Variants in STK39 observed in about 807,000 individuals in gnomAD.
STK39 encodes the protein serine/threonine kinase 39.
Under a neutral mutation model 77.8 loss-of-function variants are expected in STK39, and 20 were observed. That is an observed-to-expected ratio of 0.26 (90% CI 0.18 to 0.37). The LOEUF is 0.37. Among genes scored for constraint, STK39 ranks in the 10% least tolerant of loss-of-function variants. The probability of loss-of-function intolerance (pLI) is 1.00; values close to 1 mark genes in which losing one functional copy is unlikely to be tolerated. For synonymous variants in STK39, 246 were observed against 234.1 expected (o/e 1.05, Z -0.47); for missense variants, 479 against 656.5 (o/e 0.73, Z 2.95).
At chr2:168,098,608 CT>C (rs1335231024) in intron 10 of STK39, among the ~76,000 whole-genome samples, 1 of 152,174 alleles carries the variant, frequency 6.6e-6, no homozygotes, top group Non-Finnish European at 1.5e-5. Flanking sequence ...CTATCCCCTG[CT>C]TTTATTTTCT....
chr2:168,152,657 C>T (rs1446455922), intron 5 of STK39, among the ~76,000 whole-genome samples: 2 of 152,178 alleles, frequency 1.3e-5, no homozygotes, highest in Non-Finnish European at 2.9e-5. Flanking sequence ...CAGCAGTCCT[C>T]AGATGCTTCA....
chr2:168,113,243 A>G (rs1687167601), intron 10 of STK39: 1 of 152,174 alleles, frequency 6.6e-6, no homozygotes, highest in South Asian at 2.1e-4. Context: ...CACAATGTCA[A>G]TGGTAAATGA....
chr2:168,129,134 C>T (rs1475566053), intron 10 of STK39, among the ~76,000 whole-genome samples: 2 of 152,232 alleles, frequency 1.3e-5, no homozygotes, highest in Non-Finnish European at 2.9e-5. Flanking sequence ...TGCTATCTCA[C>T]AGCTATTCAA....
intron 14 of STK39, among the ~76,000 whole-genome samples, chr2:168,048,566 A>G (rs1055457529): frequency 6.6e-6 from 1 of 151,882 alleles, no homozygotes; most frequent in Non-Finnish European, 1.5e-5. Context: ...GTCTCTCATG[A>G]ATATTGGACC....
rs554873040 is a variant in STK39, at chr2:168,045,014, T to C, written c.1376+18486A>G. ...AGCATTCAGTGAACAGCAAGCTCCT[T>C]GTAACTTCTGTTGAAAGTAAAGGCA... On this transcript the variant is annotated intron_variant, in intron 14 of 17. Coordinates refer to ENST00000355999, the MANE Select transcript of STK39 (RefSeq NM_013233.3). 1.9e-4 allele frequency among the ~76,000 whole-genome samples: 29 copies of C among 152,202 alleles called. 1 individual carries two copies. Among genetic ancestry groups the C allele is most frequent in the Admixed American group, 1.5e-3 (23 of 15,288 alleles).
At chr2:168,176,488 C>T (rs1688959358) in intron 2 of STK39, among the ~76,000 whole-genome samples, 1 of 152,116 alleles carries the variant, frequency 6.6e-6, no homozygotes, top group Non-Finnish European at 1.5e-5. Context: ...TCTCCAATAA[C>T]CCACAAATCA....
chr2:168,043,419 G>A (rs952898517), intron 14 of STK39, among the ~76,000 whole-genome samples: 4 of 152,248 alleles, frequency 2.6e-5, no homozygotes, highest in African/African-American at 9.6e-5. Context: ...AATCAATTAA[G>A]TGTGTATATA....
At chr2:168,139,439 A>C (rs1001195877) in intron 7 of STK39, among the ~76,000 whole-genome samples, 3 of 141,356 alleles carry the variant, frequency 2.1e-5, no homozygotes, top group Non-Finnish European at 3.0e-5. Flanking sequence ...CAATAAAATG[A>C]ATTACACTGA....
intron 1 of STK39, among the ~76,000 whole-genome samples, chr2:168,205,004 T>G (rs1237655513): frequency 6.6e-6 from 1 of 152,216 alleles, no homozygotes; most frequent in African/African-American, 2.4e-5. Context: ...TGAAATTTAC[T>G]TTGAAATGTA....
At chr2:168,028,943 G>A (rs1684768660) in intron 14 of STK39, among the ~76,000 whole-genome samples, 1 of 152,148 alleles carries the variant, frequency 6.6e-6, no homozygotes, top group Admixed American at 6.5e-5. Flanking sequence ...ATGGCGAGGT[G>A]GGTGGAGCTG....
chr2:168,239,871 GGCT>G (rs1690715675), intron 1 of STK39, among the ~76,000 whole-genome samples: 1 of 152,184 alleles, frequency 6.6e-6, no homozygotes, highest in Non-Finnish European at 1.5e-5. Flanking sequence ...GGGGGAGGGG[GGCT>G]CTAGAGGCAG....
chr2:168,163,195 G>C (rs965910523), intron 4 of STK39, among the ~76,000 whole-genome samples: 5 of 152,148 alleles, frequency 3.3e-5, no homozygotes, highest in Non-Finnish European at 5.9e-5. Flanking sequence ...TATTCTATGT[G>C]ATTTGACTAT....
chr2:168,140,725 C>A lies in STK39; in HGVS notation c.662G>T (p.Gly221Val), dbSNP rs200906112. 1 of 1,609,648 alleles carries A rather than the reference C, an allele frequency of 6.2e-7. No homozygotes were observed. Residue 221 changes from glycine (G) to valine (V), a missense_variant, in exon 6 of 18, where the codon GGT becomes GTT. Around this residue, in one of 3 missense-constraint regions of STK39, gnomAD observed 139 missense variants for 280.6 expected, o/e 0.50. Coordinates refer to ENST00000355999, the MANE Select transcript of STK39 (RefSeq NM_013233.3). Reference sequence around the variant, plus strand: ...TCTTACTTTATTTCGGGTAACATCACCCCCTGTTGCTAGGAACGCACTTAC... The same window carrying A: ...TCTTACTTTATTTCGGGTAACATCAACCCCTGTTGCTAGGAACGCACTTAC... Reference protein sequence around the residue: ...FGVSAFLATGGDVTRNKVRKT... With the variant: ...FGVSAFLATGVDVTRNKVRKT...
At chr2:168,074,860 G>A (rs764041029) in intron 12 of STK39, 122 bp downstream of exon 12, 9 of 1,157,344 alleles carry the variant, frequency 7.8e-6, no homozygotes, top group East Asian at 5.1e-5. Flanking sequence ...CAAAGTCCTC[G>A]TGCCTTTCCT....
intron 12 of STK39, among the ~76,000 whole-genome samples, chr2:168,068,504 A>T (rs922356620): frequency 3.9e-5 from 6 of 152,200 alleles, no homozygotes; most frequent in Admixed American, 2.0e-4. Context: ...TGACAGTCAC[A>T]TGGCAGCGCT....
chr2:168,203,229 G>T lies in STK39; in HGVS notation c.209-21139C>A, dbSNP rs561433006. On this transcript the variant is annotated intron_variant, in intron 1 of 17. Transcript: ENST00000355999. ...TCAGCTGAGGACCACAGCTCTAAGA[G>T]TTAGAGGGGTTCTGCCTGAAAGAAG... 4.6e-5 allele frequency among the ~76,000 whole-genome samples: 7 copies of T among 152,260 alleles called. No individual in the cohort carries two copies. The South Asian group carries it at 1.2e-3, about 27-fold the overall frequency.
chr2:168,233,064 G>A (rs772432480), intron 1 of STK39, among the ~76,000 whole-genome samples: 14 of 152,124 alleles, frequency 9.2e-5, no homozygotes, highest in Non-Finnish European at 1.6e-4. Context: ...ACAACTGATG[G>A]GTATTTACTT....
At chr2:167,991,177 T>C (rs929710085) in intron 16 of STK39, among the ~76,000 whole-genome samples, 4 of 152,242 alleles carry the variant, frequency 2.6e-5, no homozygotes, top group Admixed American at 1.3e-4. Context: ...CAAGTCACTA[T>C]TGAAAGCACA....
intron 1 of STK39, among the ~76,000 whole-genome samples, chr2:168,210,332 C>T (rs1689859234): frequency 6.6e-6 from 1 of 152,204 alleles, no homozygotes; most frequent in Admixed American, 6.5e-5. Context: ...GGTCATTTAT[C>T]ACCATTTTTT....
Sources: allele counts gnomAD v4.1 joint callset (sites outside exome capture counted in the v4.1 genomes callset), GRCh38; gene constraint gnomAD v4.1.1; regional missense constraint gnomAD v4.1.1; transcripts MANE v1.5; gene names NCBI Gene and HGNC (gene_info 2026-07-23, HGNC 2026-07-21).